CNNM2: variants seen among roughly 807,000 people sequenced by gnomAD.
The protein encoded by CNNM2 is cyclin and CBS domain divalent metal cation transport mediator 2, also known as metal transporter CNNM2.
A neutral mutation model predicts 66.9 loss-of-function variants in CNNM2; 12 were observed. That is an observed-to-expected ratio of 0.18 (90% CI 0.11 to 0.29). The LOEUF is 0.29. Among genes scored for constraint, CNNM2 ranks in the 10% least tolerant of loss-of-function variants. The probability of loss-of-function intolerance (pLI) is 1.00; values close to 1 mark genes in which losing one functional copy is unlikely to be tolerated. For synonymous variants in CNNM2, 557 were observed against 501.8 expected, an observed-to-expected ratio of 1.11 and a Z score of -1.47; for missense variants, 705 against 1,167.7, an observed-to-expected ratio of 0.60 and a Z score of 5.77.
chr10:103,065,016 C>T (rs2065452760), intron 4 of CNNM2, among the ~76,000 whole-genome samples: 1 of 152,170 alleles, frequency 6.6e-6, no homozygotes, highest in African/African-American at 2.4e-5. Context: ...AGCAGTGAAT[C>T]TCAACTAGAT....
At position 103,089,888 on chromosome 10, in the gene CNNM2, C is replaced by T; in HGVS notation, c.*12708C>T. ...CATTGATATCTACGTGTGTGTGCTC[C>T]ACCGTTGATTCATGAGGCATCTAGA... On this transcript the variant is annotated 3_prime_UTR_variant, in exon 8 of 8. Transcript: ENST00000369878. 6.2e-7 allele frequency: 1 copy of T among 1,606,798 alleles called. No homozygotes were observed. Among genetic ancestry groups the T allele is most frequent in the South Asian group, 1.1e-5 (1 of 90,102 alleles).
chr10:102,974,895 G>A (rs1471715264), intron 1 of CNNM2, among the ~76,000 whole-genome samples: 2 of 152,258 alleles, frequency 1.3e-5, no homozygotes, highest in African/African-American at 2.4e-5. Flanking sequence ...CAATTCTGGG[G>A]CACACATTTT....
rs541123050 is a variant in CNNM2, at chr10:103,087,498, A to G, written c.*10318A>G. On this transcript the variant is annotated 3_prime_UTR_variant, in exon 8 of 8. Coordinates refer to ENST00000369878, the MANE Select transcript of CNNM2 (RefSeq NM_017649.5). ...TTGCCATGGAATCATCTGGCTAGTAAGACACTCTTATATGGATGCAATACA... is the reference window on the plus strand; with the variant it reads ...TTGCCATGGAATCATCTGGCTAGTAGGACACTCTTATATGGATGCAATACA... 8.1e-4 allele frequency: 123 copies of G among 152,298 alleles called. 1 individual carries two copies. The highest frequency in any genetic ancestry group is 2.7e-3 in the African/African-American group (111 of 41,582). The allele number at this position is 152,298 out of a possible 1,614,324, so 9.4% of individuals were successfully genotyped here. A position where few individuals can be genotyped will look rare whatever the true frequency, so the allele number is the denominator to read the frequency against.
At chr10:103,036,475 T>C (rs2064941304) in intron 1 of CNNM2, among the ~76,000 whole-genome samples, 1 of 152,224 alleles carries the variant, frequency 6.6e-6, no homozygotes. Flanking sequence ...AGTGTTTAAT[T>C]GAATTACCAG....
intron 1 of CNNM2, among the ~76,000 whole-genome samples, chr10:102,998,071 T>C (rs554865918): frequency 2.0e-5 from 3 of 152,224 alleles, no homozygotes; most frequent in Admixed American, 2.0e-4. Context: ...TAAGTTAGAG[T>C]TAACAAACTC....
intron 1 of CNNM2, among the ~76,000 whole-genome samples, chr10:103,008,268 G>T (rs529416346): frequency 5.9e-5 from 9 of 152,220 alleles, no homozygotes; most frequent in African/African-American, 2.2e-4. Context: ...TGTGTAATTT[G>T]TAGGACCCAG....
At position 103,054,457 on chromosome 10, in the gene CNNM2, C is replaced by T; in HGVS notation, c.1894C>T (p.Leu632=). The T allele has an allele frequency of 6.2e-7, 1 of 1,613,830 alleles. No individual in the cohort carries two copies. Among genetic ancestry groups the T allele is most frequent in the Non-Finnish European group, 8.5e-7 (1 of 1,179,814 alleles). Residue 632 remains leucine (L), a synonymous_variant, in exon 3 of 8, where the codon CTA becomes TTA. Coordinates refer to ENST00000369878, the MANE Select transcript of CNNM2 (RefSeq NM_017649.5). The surrounding 1 kb of genome is among the most constrained non-coding windows in gnomAD (Gnocchi z 5.2). The part of the protein sequence containing the change: ...PQLLLAMHRF[L]ATEVEAFSPS... ...GCTCCTCCTGGCCATGCACCGTTTC[C>T]TAGCAACAGGCAAGTGCAGCTTATC...
rs1283484602 is a variant in CNNM2 at position 103,081,973 on chromosome 10, T to G, written c.*4793T>G. The G allele has an allele frequency of 6.6e-6, 1 of 152,236 alleles. No individual in the cohort carries two copies. The highest frequency in any genetic ancestry group is 1.9e-4 in the East Asian group (1 of 5,202). 9.4% of individuals were successfully genotyped at this position (152,236 alleles called of 1,614,324 possible). On this transcript the variant is annotated 3_prime_UTR_variant, in exon 8 of 8. Transcript: ENST00000369878. ...ATGCTAGAGCTACTGACATCATCTC[T>G]ACTAGAATTGTTTTAAATATCTTTT...
At chr10:102,990,385 A>G (rs1202267664) in intron 1 of CNNM2, among the ~76,000 whole-genome samples, 1 of 152,168 alleles carries the variant, frequency 6.6e-6, no homozygotes, top group African/African-American at 2.4e-5. Flanking sequence ...CTGGATAAGC[A>G]ATTGTAGGGA....
At chr10:102,999,531 A>G (rs943282644) in intron 1 of CNNM2, among the ~76,000 whole-genome samples, 1 of 152,204 alleles carries the variant, frequency 6.6e-6, no homozygotes, top group Non-Finnish European at 1.5e-5. Context: ...TAAAGACTCA[A>G]ATGGAAAGCT....
At chr10:103,013,340 C>T (rs545910264) in intron 1 of CNNM2, among the ~76,000 whole-genome samples, 61 of 152,176 alleles carry the variant, frequency 4.0e-4, no homozygotes, top group Middle Eastern at 3.4e-3. Flanking sequence ...GATATACAAA[C>T]ACATTGGCAC....
At chr10:102,959,653 T>G (rs1027142437) in intron 1 of CNNM2, among the ~76,000 whole-genome samples, 1 of 152,202 alleles carries the variant, frequency 6.6e-6, no homozygotes, top group African/African-American at 2.4e-5. Flanking sequence ...CATGGCTGAC[T>G]GCAGCCTTGA....
Position 102,939,897 on chromosome 10 carries a change from G to A in CNNM2, c.1621+19796G>A, listed in dbSNP as rs149568736. Among the ~76,000 whole-genome samples, 427 of 152,162 alleles carry A rather than the reference G, an allele frequency of 2.8e-3. 2 individuals are homozygous for A. Among genetic ancestry groups the A allele is most frequent in the African/African-American group, 1.0e-2 (415 of 41,518 alleles). ...GCAGGAGAATCGCTTGAATCCGGGA[G>A]GTGGAGGCTGCAGTGATCTGAGATC... On this transcript the variant is annotated intron_variant, in intron 1 of 7. Coordinates refer to ENST00000369878, the MANE Select transcript of CNNM2 (RefSeq NM_017649.5).
intron 1 of CNNM2, among the ~76,000 whole-genome samples, chr10:102,937,291 T>G (rs1590276023): frequency 6.6e-6 from 1 of 152,072 alleles, no homozygotes; most frequent in African/African-American, 2.4e-5. Context: ...ATGTGCCCCA[T>G]GATCCCAGCT....
chr10:102,934,843 G>A (rs963069277), intron 1 of CNNM2, among the ~76,000 whole-genome samples: 1 of 151,216 alleles, frequency 6.6e-6, no homozygotes, highest in African/African-American at 2.4e-5. Context: ...TAAGACTCCT[G>A]TATCTAAAAA....
At chr10:103,033,107 G>A (rs1456104453) in intron 1 of CNNM2, among the ~76,000 whole-genome samples, 4 of 145,864 alleles carry the variant, frequency 2.7e-5, no homozygotes, top group Non-Finnish European at 4.5e-5. Context: ...GACAGAGTAA[G>A]ACCCTGTCCA....
intron 1 of CNNM2, among the ~76,000 whole-genome samples, chr10:102,945,778 A>G (rs1846596159): frequency 6.6e-6 from 1 of 152,122 alleles, no homozygotes; most frequent in South Asian, 2.1e-4. Context: ...GTAAGACTCT[A>G]TGTATCCATG....
At chr10:103,021,243 T>C (rs536668981) in intron 1 of CNNM2, among the ~76,000 whole-genome samples, 357 of 152,124 alleles carry the variant, frequency 2.3e-3, no homozygotes, top group African/African-American at 7.5e-3. Flanking sequence ...CCCCACAGCC[T>C]CCCTGACGAA....
intron 1 of CNNM2, among the ~76,000 whole-genome samples, chr10:103,036,865 A>G (rs540864769): frequency 6.6e-6 from 1 of 152,338 alleles, no homozygotes; most frequent in East Asian, 1.9e-4. Context: ...CAAGGAAACT[A>G]TTAAAATGAT....
Sources: gnomAD v4.1 joint callset for allele counts (sites outside exome capture counted in the v4.1 genomes callset) on GRCh38, gnomAD v4.1.1 for gene constraint, Gnocchi (gnomAD v3.1) non-coding constraint, MANE v1.5 for transcripts, NCBI Gene and HGNC (gene_info 2026-07-23, HGNC 2026-07-21) for gene names.